Variants in SAMSN1 observed in about 807,000 individuals in gnomAD.
SAMSN1 encodes SAM domain-containing protein SAMSN-1.
In SAMSN1, 31 loss-of-function variants were observed where a neutral mutation model predicts 42.0. That is an observed-to-expected ratio of 0.74 (90% CI 0.55 to 1.00). The LOEUF (loss-of-function observed/expected upper bound fraction) is 1.00, where lower values mean the gene tolerates loss of function less well. Among genes scored for constraint, SAMSN1 ranks in the 50% least tolerant of loss-of-function variants. The pLI is 0.00. For missense variants in SAMSN1, 464 were observed against 439.4 expected, an observed-to-expected ratio of 1.06 and a Z score of -0.50; for synonymous variants, 178 against 151.9, an observed-to-expected ratio of 1.17 and a Z score of -1.26.
rs1328773696 is a variant in SAMSN1 at position 14,510,411 on chromosome 21, G to T, written c.460C>A (p.Leu154Met). The change falls in exon 5 of 8, where the codon CTG (leucine) becomes ATG (methionine). Residue 154 changes from leucine to methionine, a missense_variant. Physicochemically the swap from Leu to Met is conservative, Grantham distance 15. Transcript: ENST00000400566. The stretch of plus-strand genomic sequence containing the variant: ...CCTGAATAGGGGCCATCGTCATCCA[G>T]TCGAAAGCTGTCCCGGTTACTTGTA... ...DGTSNRDSFR[L>M]DDDGPYSGPF... The T allele has an allele frequency of 6.2e-7, 1 of 1,614,170 alleles. No homozygotes were observed. The highest frequency in any genetic ancestry group is 8.5e-7 in the Non-Finnish European group (1 of 1,180,014).
intron 6 of SAMSN1, among the ~76,000 whole-genome samples, chr21:14,499,550 G>A (rs543851704): frequency 6.8e-6 from 1 of 147,700 alleles, no homozygotes; most frequent in South Asian, 2.1e-4. Context: ...CTTTAAAAAA[G>A]TATATTCTTA....
intron 6 of SAMSN1, among the ~76,000 whole-genome samples, chr21:14,596,149 A>G (rs1207524112): frequency 2.0e-5 from 3 of 152,170 alleles, no homozygotes; most frequent in Non-Finnish European, 2.9e-5. Flanking sequence ...ATAACTTCGG[A>G]TAAGGAAATG....
chr21:14,621,835 G>T (rs950223647), intron 2 of SAMSN1, among the ~76,000 whole-genome samples: 16 of 152,214 alleles, frequency 1.1e-4, no homozygotes, highest in Non-Finnish European at 1.0e-4. Flanking sequence ...CCTCAAGGGG[G>T]TCCCTGACCC....
intron 1 of SAMSN1, among the ~76,000 whole-genome samples, chr21:14,648,485 C>T (rs983067341): frequency 1.3e-5 from 2 of 152,094 alleles, no homozygotes; most frequent in African/African-American, 4.8e-5. Context: ...AACAGGCAAC[C>T]TAAAAAATGG....
rs56728511 is a variant in SAMSN1 at position 14,581,344 on chromosome 21, C to CTTTTTTTTTTTTTTTTTTTTTTTTT, written c.261+767_261+791dup. ...TGTAAAATGAGGGGAAATAATATTT[C>CTTTTTTTTTTTTTTTTTTTTTTTTT]TTTTTTTTTTTTTTTTTTTTTTTTT... On this transcript the variant is annotated intron_variant, in intron 2 of 8. Coordinates refer to the SAMSN1 transcript ENST00000285670. 1.2e-4 allele frequency among the ~76,000 whole-genome samples: 4 copies of CTTTTTTTTTTTTTTTTTTTTTTTTT among 32,592 alleles called. 2 individuals carry two copies. The highest frequency in any genetic ancestry group is 2.6e-3 in the East Asian group (2 of 768). 21.4% of individuals were successfully genotyped at this position (32,592 alleles called of 152,430 possible).
chr21:14,658,496 A>G (rs2123405809), intron 1 of SAMSN1, among the ~76,000 whole-genome samples: 1 of 152,120 alleles, frequency 6.6e-6, no homozygotes, highest in East Asian at 1.9e-4. Flanking sequence ...ATTATACTTA[A>G]AAATTCAACA....
intron 2 of SAMSN1, among the ~76,000 whole-genome samples, chr21:14,621,901 G>A (rs1175101630): frequency 1.3e-5 from 2 of 152,168 alleles, no homozygotes; most frequent in African/African-American, 4.8e-5. Context: ...CACCCCACAT[G>A]GCTGGGTACC....
chr21:14,513,832 T>C (rs1035578013), intron 3 of SAMSN1, among the ~76,000 whole-genome samples: 2 of 152,210 alleles, frequency 1.3e-5, no homozygotes, highest in African/African-American at 4.8e-5. Flanking sequence ...TCTTGGGTTG[T>C]GCAGGGAAAA....
intron 2 of SAMSN1, among the ~76,000 whole-genome samples, chr21:14,563,514 G>A (rs1273494139): frequency 2.0e-5 from 3 of 152,026 alleles, no homozygotes; most frequent in African/African-American, 4.8e-5. Flanking sequence ...GAAAGTTAAG[G>A]CTCAAAAAAG....
chr21:14,591,451 T>C (rs1982080813), intron 7 of SAMSN1: 1 of 152,218 alleles, frequency 6.6e-6, no homozygotes, highest in African/African-American at 2.4e-5. Flanking sequence ...TTTCTGTTCC[T>C]GTCCCCCTCA....
At chr21:14,638,730 G>A (rs1235086056) in intron 2 of SAMSN1, among the ~76,000 whole-genome samples, 2 of 152,136 alleles carry the variant, frequency 1.3e-5, no homozygotes, top group African/African-American at 4.8e-5. Flanking sequence ...GTTTTCCACA[G>A]TTGAATTTGG....
At chr21:14,517,154 C>G (rs987163292) in intron 2 of SAMSN1, 113 bp from the exon 3 acceptor site, 4 of 900,334 alleles carry the variant, frequency 4.4e-6, no homozygotes, top group Non-Finnish European at 6.5e-6. Flanking sequence ...GCATTCTGTG[C>G]AGCAGCCTCC....
chr21:14,646,907 C>A (rs1983724071), intron 1 of SAMSN1, among the ~76,000 whole-genome samples: 1 of 152,012 alleles, frequency 6.6e-6, no homozygotes, highest in Non-Finnish European at 1.5e-5. Context: ...AACCAAAAAA[C>A]ATACAATGAA....
intron 5 of SAMSN1, among the ~76,000 whole-genome samples, chr21:14,502,953 A>G (rs1418638966): frequency 6.6e-6 from 1 of 152,200 alleles, no homozygotes; most frequent in Admixed American, 6.5e-5. Context: ...TTCATACTTT[A>G]TGCCCTTTGA....
intron 2 of SAMSN1, among the ~76,000 whole-genome samples, chr21:14,571,783 C>G (rs1191297308): frequency 2.0e-5 from 3 of 152,126 alleles, no homozygotes; most frequent in Non-Finnish European, 1.5e-5. Flanking sequence ...GCACTCCAGC[C>G]TCTTCTTCTT....
At position 14,500,590 on chromosome 21, in the gene SAMSN1, C is replaced by T. The variant is rs974471444; in HGVS notation, c.707G>A (p.Arg236Gln). 30 of 1,614,004 alleles carry T rather than the reference C, an allele frequency of 1.9e-5. No individual in the cohort carries two copies. Among genetic ancestry groups the T allele is most frequent in the South Asian group, 1.4e-4 (13 of 91,084 alleles). ...CTTGGATTTTTTGCTGTTACTCCTT[C>T]GGTTTGCCTTTATTTTCTTGGGGGC... ...EAAPKKIKAN[R>Q]RSNSKKSKTL... The change falls in exon 6 of 8, where the codon CGA (arginine) becomes CAA (glutamine). Residue 236 changes from arginine (R) to glutamine (Q), a missense_variant. By Grantham distance (43) the Arg-to-Gln change is conservative. Coordinates refer to ENST00000400566, the MANE Select transcript of SAMSN1 (RefSeq NM_022136.5).
Position 14,485,842 on chromosome 21 carries a change from T to C in SAMSN1, c.*70A>G. On this transcript the variant is annotated 3_prime_UTR_variant, in exon 8 of 8. Transcript: ENST00000400566. The stretch of plus-strand genomic sequence containing the variant: ...AAATATTTATCTTATCTTCCTCTCC[T>C]ATTTGACGTTTTAGCTCAAGAAGAG... 1 of 1,140,282 alleles carries C rather than the reference T, an allele frequency of 8.8e-7. No individual in the cohort carries two copies. Among genetic ancestry groups the C allele is most frequent in the Non-Finnish European group, 1.3e-6 (1 of 754,978 alleles). 70.6% of individuals were successfully genotyped at this position (1,140,282 alleles called of 1,614,324 possible). A position where few individuals can be genotyped will look rare whatever the true frequency, so the allele number is the denominator to read the frequency against.
intron 3 of SAMSN1, among the ~76,000 whole-genome samples, chr21:14,515,481 T>C (rs2049860): frequency 6.6e-6 from 1 of 151,976 alleles, no homozygotes; most frequent in African/African-American, 2.4e-5. Flanking sequence ...TCCTATATAC[T>C]GTACAGTAAA....
chr21:14,601,021 T>C (rs1982415448), intron 6 of SAMSN1, among the ~76,000 whole-genome samples: 1 of 152,214 alleles, frequency 6.6e-6, no homozygotes, highest in South Asian at 2.1e-4. Context: ...AGTACTGAGA[T>C]ATTTTTTATA....
Sources: gnomAD v4.1 joint callset for allele counts (sites outside exome capture counted in the v4.1 genomes callset) on GRCh38, gnomAD v4.1.1 for gene constraint, MANE v1.5 for transcripts, NCBI Gene and HGNC (gene_info 2026-07-23, HGNC 2026-07-21) for gene names.